The following EYS variants were observed in gnomAD, a reference collection of about 807,000 sequenced individuals.
The protein encoded by EYS is EGF-like photoreceptor maintenance factor, also known as protein eyes shut homolog.
In EYS, 250 loss-of-function variants were observed where a neutral mutation model predicts 282.1. The observed-to-expected ratio is 0.89, with a 90% CI of 0.80 to 0.98. EYS has a LOEUF of 0.98. Among genes scored for constraint, EYS ranks in the 50% least tolerant of loss-of-function variants. The pLI is 0.00. For synonymous variants in EYS, 1,355 were observed against 1,282.9 expected (o/e 1.06, Z -1.20); for missense variants, 4,016 against 3,709.0 (o/e 1.08, Z -2.15).
At chr6:65,539,697 G>A (rs1445677821) in intron 2 of EYS, among the ~76,000 whole-genome samples, 6 of 152,052 alleles carry the variant, frequency 3.9e-5, no homozygotes, top group Non-Finnish European at 8.8e-5. Flanking sequence ...ATGAAGCTTC[G>A]TTTTCAATAT....
chr6:65,322,600 T>TCCTGGATTCA (rs1338252847), intron 11 of EYS, among the ~76,000 whole-genome samples: 1 of 151,752 alleles, frequency 6.6e-6, no homozygotes, highest in East Asian at 1.9e-4. Context: ...ATCGAGACCA[T>TCCTGGATTCA]CCTGGCCAAC....
intron 24 of EYS, among the ~76,000 whole-genome samples, chr6:64,600,045 G>A (rs1562085479): frequency 6.6e-6 from 1 of 152,104 alleles, no homozygotes; most frequent in South Asian, 2.1e-4. Context: ...AACATTTGAA[G>A]ATAAAATGTT....
intron 22 of EYS, among the ~76,000 whole-genome samples, chr6:64,763,539 T>C (rs1303148893): frequency 6.6e-6 from 1 of 152,108 alleles, no homozygotes; most frequent in African/African-American, 2.4e-5. Context: ...AAATCCCAAC[T>C]GGAGTTGAGA....
At chr6:64,092,985 T>C (rs1237682563) in intron 31 of EYS, among the ~76,000 whole-genome samples, 5 of 151,738 alleles carry the variant, frequency 3.3e-5, no homozygotes, top group African/African-American at 1.2e-4. Flanking sequence ...TAGCCAGTTT[T>C]CCCAGCACCA....
At chr6:65,112,802 A>G (rs1775249968) in intron 12 of EYS, among the ~76,000 whole-genome samples, 1 of 152,166 alleles carries the variant, frequency 6.6e-6, no homozygotes, top group Non-Finnish European at 1.5e-5. Context: ...TGAAGCAGCT[A>G]TTTCTCTACC....
intron 28 of EYS, among the ~76,000 whole-genome samples, chr6:64,435,848 A>G (rs1189112264): frequency 1.3e-5 from 2 of 151,910 alleles, no homozygotes; most frequent in Admixed American, 6.6e-5. Flanking sequence ...CACATTTTCT[A>G]CACTGAATAT....
chr6:64,087,527 C>G (rs1405269999), intron 31 of EYS, among the ~76,000 whole-genome samples: 1 of 152,078 alleles, frequency 6.6e-6, no homozygotes, highest in Non-Finnish European at 1.5e-5. Flanking sequence ...TATCCTCCTA[C>G]AGTATACATT....
In EYS at chr6:64,439,222, T is replaced by G. The variant is rs1465801209; in HGVS notation, c.5775A>C (p.Gln1925His). The G allele has an allele frequency of 6.7e-7, 1 of 1,488,018 alleles. No individual in the cohort carries two copies. Among genetic ancestry groups the G allele is most frequent in the Non-Finnish European group, 8.9e-7 (1 of 1,119,718 alleles). The allele number at this position is 1,488,018 out of a possible 1,614,324, so 92.2% of individuals were successfully genotyped here. A position where few individuals can be genotyped will look rare whatever the true frequency, so the allele number is the denominator to read the frequency against. ...SSYGLLLYVK[Q>H]DSNLVDGFFI... ...AAAATCCATCTACTAAATTTGAGTC[T>G]TGCTTGACATACAGCAGAAGTCCAT... Residue 1925 changes from glutamine (Q) to histidine (H), a missense_variant, in exon 27 of 43, where the codon CAA becomes CAC. Transcript: ENST00000503581.
intron 11 of EYS, among the ~76,000 whole-genome samples, chr6:65,301,353 T>A (rs1485526589): frequency 6.6e-6 from 1 of 152,200 alleles, no homozygotes; most frequent in East Asian, 1.9e-4. Flanking sequence ...AAATTAGATC[T>A]TAGGCATCGC....
chr6:63,906,686 TCTC>T (rs1188319802), intron 35 of EYS, among the ~76,000 whole-genome samples: 9 of 152,286 alleles, frequency 5.9e-5, no homozygotes, highest in Admixed American at 1.3e-4. Context: ...GCTTTGCAAA[TCTC>T]CTGTATTGCT....
rs1270198704 is a variant in EYS, at chr6:63,720,601, T to TAA, written c.9428_9429dup (p.Thr3144LeufsTer42). The TAA allele has an allele frequency of 1.4e-6, 2 of 1,473,974 alleles. No homozygotes were observed. The highest frequency in any genetic ancestry group is 1.8e-6 in the Non-Finnish European group (2 of 1,108,240). 91.3% of individuals were successfully genotyped at this position (1,473,974 alleles called of 1,614,324 possible). A position where few individuals can be genotyped will look rare whatever the true frequency, so the allele number is the denominator to read the frequency against. ...CTAAAATCTCTAGTGTTAACTTATGTAACCTCATTTTGTTCATCTCCATCA... is the reference window on the plus strand; with the variant it reads ...CTAAAATCTCTAGTGTTAACTTATGTAAAACCTCATTTTGTTCATCTCCATCA... On this transcript the variant is annotated frameshift_variant, in exon 43 of 43. Coordinates refer to ENST00000503581, the MANE Select transcript of EYS (RefSeq NM_001142800.2). LOFTEE classifies it high-confidence loss of function.
At chr6:64,457,913 CTTG>C (rs1309202611) in intron 26 of EYS, among the ~76,000 whole-genome samples, 1 of 151,660 alleles carries the variant, frequency 6.6e-6, no homozygotes, top group Non-Finnish European at 1.5e-5. Context: ...TAAATCCTTT[CTTG>C]TTGCTTTTTA....
chr6:64,204,453 T>C (rs1765559035), intron 31 of EYS, among the ~76,000 whole-genome samples: 1 of 152,112 alleles, frequency 6.6e-6, no homozygotes, highest in South Asian at 2.1e-4. Flanking sequence ...AAATACAGGA[T>C]ACTGGAAGTA....
intron 36 of EYS, among the ~76,000 whole-genome samples, chr6:63,847,785 A>G (rs1772137661): frequency 6.6e-6 from 1 of 152,216 alleles, no homozygotes; most frequent in Non-Finnish European, 1.5e-5. Context: ...ATATATGAGA[A>G]ATAACTTAGT....
intron 26 of EYS, among the ~76,000 whole-genome samples, chr6:64,459,563 AGCCGACAGTGCAGCCT>A (rs1775676622): frequency 6.6e-6 from 1 of 152,206 alleles, no homozygotes. Flanking sequence ...AAAGTAGGGA[AGCCGACAGTGCAGCCT>A]GCAGTCTGTG....
At chr6:65,672,653 A>C (rs1768430366) in intron 1 of EYS, among the ~76,000 whole-genome samples, 1 of 152,150 alleles carries the variant, frequency 6.6e-6, no homozygotes, top group Admixed American at 6.5e-5. Context: ...GTCCTAAAGA[A>C]ATGGAGATAT....
At chr6:65,628,502 T>A (rs1303364109) in intron 2 of EYS, among the ~76,000 whole-genome samples, 1 of 152,082 alleles carries the variant, frequency 6.6e-6, no homozygotes, top group Non-Finnish European at 1.5e-5. Context: ...GTTCTTTCGC[T>A]CTTTGCAATA....
intron 30 of EYS, among the ~76,000 whole-genome samples, chr6:64,249,201 AAAG>A (rs1767125707): frequency 6.6e-6 from 1 of 152,172 alleles, no homozygotes; most frequent in South Asian, 2.1e-4. Context: ...ATATAGCCAT[AAAG>A]AAGAATAAAA....
chr6:64,891,612 G>A (rs886627115), intron 18 of EYS, among the ~76,000 whole-genome samples: 1 of 151,892 alleles, frequency 6.6e-6, no homozygotes. Flanking sequence ...TTTTCCTTTC[G>A]CTATTACCTG....
Sources: gnomAD v4.1 joint callset for allele counts (sites outside exome capture counted in the v4.1 genomes callset) on GRCh38, gnomAD v4.1.1 for gene constraint, MANE v1.5 for transcripts, NCBI Gene and HGNC (gene_info 2026-07-23, HGNC 2026-07-21) for gene names.